STRADA: variants seen among roughly 807,000 people sequenced by gnomAD.
STRADA encodes STE20-related kinase adapter protein alpha.
STRADA carries 26 observed loss-of-function variants against 55.0 expected under a neutral mutation model. That is an observed-to-expected ratio of 0.47 (90% CI 0.35 to 0.66). STRADA has a LOEUF of 0.66. STRADA is among the 30% of genes least tolerant of loss of function. The probability of loss-of-function intolerance (pLI) is 0.01; values close to 1 mark genes in which losing one functional copy is unlikely to be tolerated. For synonymous variants in STRADA, 197 were observed against 210.9 expected (o/e 0.93, Z 0.57); for missense variants, 443 against 549.7 (o/e 0.81, Z 1.94).
rs2035832461 is a variant in STRADA, at chr17:63,703,063, G to A, written c.*536C>T. ...CCAAGCCAGAAGAGGGATAAGGATG[G>A]ACTGTTCCAGCCTTAGTCTGTGCTT... is the stretch of plus-strand genomic sequence containing the variant. On this transcript the variant is annotated 3_prime_UTR_variant, in exon 13 of 13. Transcript: ENST00000336174. 1 of 155,130 alleles carries A rather than the reference G, an allele frequency of 6.4e-6. No homozygotes were observed. Among genetic ancestry groups the A allele is most frequent in the Admixed American group, 6.3e-5 (1 of 15,766 alleles). The allele number at this position is 155,130 out of a possible 1,614,324, so 9.6% of individuals were successfully genotyped here.
chr17:63,704,618 G>T (rs1255719529), intron 10 of STRADA, 36 bp from the exon 11 acceptor site: 2 of 1,294,032 alleles, frequency 1.5e-6, no homozygotes, highest in East Asian at 4.1e-5. Flanking sequence ...GGCTGTAGCG[G>T]GTGGGGGGGG....
At chr17:63,721,713 C>CAAA (rs1208174884) in intron 4 of STRADA, among the ~76,000 whole-genome samples, 1 of 97,826 alleles carries the variant, frequency 1.0e-5, no homozygotes, top group Non-Finnish European at 2.1e-5. Context: ...GATTCGGTCT[C>CAAA]AAAAAAAAAA....
chr17:63,740,233 G>A (rs183843433), intron 1 of STRADA, among the ~76,000 whole-genome samples: 5 of 149,992 alleles, frequency 3.3e-5, no homozygotes, highest in Admixed American at 6.7e-5. Context: ...TTTATTGGCC[G>A]GGCGCGGTGG....
chr17:63,713,926 C>G (rs2036674153), intron 5 of STRADA, 80 bp downstream of exon 5: 1 of 1,162,580 alleles, frequency 8.6e-7, no homozygotes, highest in Admixed American at 1.7e-5. Context: ...CTCTGCTGTA[C>G]ACACATCTGG....
At chr17:63,706,979 C>T (rs1416310447) in intron 9 of STRADA, among the ~76,000 whole-genome samples, 1 of 152,236 alleles carries the variant, frequency 6.6e-6, no homozygotes, top group East Asian at 1.9e-4. Context: ...CAGAGAGCAG[C>T]AAACATTTCC....
rs751121350 is a variant in STRADA at position 63,728,341 on chromosome 17, C to A, written c.29G>T (p.Arg10Leu). 4 of 1,613,306 alleles carry A rather than the reference C, an allele frequency of 2.5e-6. No individual in the cohort carries two copies. Among genetic ancestry groups the A allele is most frequent in the Non-Finnish European group, 3.4e-6 (4 of 1,179,768 alleles). The change falls in exon 2 of 13, where the codon CGA becomes CTA. Residue 10 changes from arginine to leucine, a missense_variant. Arg to Leu is a moderately radical substitution (Grantham distance 102). Coordinates refer to ENST00000336174, the MANE Select transcript of STRADA (RefSeq NM_001003787.4). ...GAATAGAAAAACACTCACCCTGATT[C>A]GCTCTGGTTTACTTACAAGAAATGA... MSFLVSKPE[R>L]IRRWVSEKFI...
rs1320925376 is a variant in STRADA, at chr17:63,703,682, C to T, written c.1213G>A (p.Gly405Ser). ...CCACTGTGGTCCTGAGACTGGCTGCCCTCAAAATTGGTGATGGGGGTGACA... is the reference window on the plus strand; with the variant it reads ...CCACTGTGGTCCTGAGACTGGCTGCTCTCAAAATTGGTGATGGGGGTGACA... ...RPVTPITNFE[G>S]SQSQDHSGIF... The change falls in exon 13 of 13, where the codon GGC becomes AGC. Residue 405 changes from glycine to serine, a missense_variant. Coordinates refer to ENST00000336174, the MANE Select transcript of STRADA (RefSeq NM_001003787.4). The T allele has an allele frequency of 1.2e-6, 2 of 1,614,180 alleles. No individual in the cohort carries two copies. Among genetic ancestry groups the T allele is most frequent in the Non-Finnish European group, 1.7e-6 (2 of 1,180,012 alleles).
intron 8 of STRADA, 30 bp from the exon 9 acceptor site, chr17:63,707,448 G>C (rs892394905): frequency 6.2e-7 from 1 of 1,606,300 alleles, no homozygotes; most frequent in Non-Finnish European, 8.5e-7. Flanking sequence ...GTCATGTCGA[G>C]AGCAGGAGCC....
rs189623413 is a variant in STRADA at position 63,735,792 on chromosome 17, C to T, written c.-45+5949G>A. Among the ~76,000 whole-genome samples the T allele has an allele frequency of 5.4e-3, 816 of 152,244 alleles. 6 individuals carry two copies. Among genetic ancestry groups the T allele is most frequent in the African/African-American group, 0.018 (745 of 41,540 alleles). On this transcript the variant is annotated intron_variant, in intron 1 of 12. Transcript: ENST00000336174. ...TAGAGGAGACGGCAGATATGCCCAG[C>T]AGACAATCCTAAGGGGTTCTGAAAC...
intron 1 of STRADA, among the ~76,000 whole-genome samples, chr17:63,739,350 A>T (rs2038694950): frequency 6.6e-6 from 1 of 152,056 alleles, no homozygotes; most frequent in South Asian, 2.1e-4. Flanking sequence ...TATACAAATT[A>T]TGAAGGACTT....
In STRADA at chr17:63,728,039, C is replaced by T. The variant is rs188294862; in HGVS notation, c.36+295G>A. On this transcript the variant is annotated intron_variant, in intron 2 of 12. Transcript: ENST00000336174. ...GGTCATAAGCAGTTAAACGTCTACA[C>T]TTAAAAGTATCATCGACTCATTTAA... The T allele has an allele frequency of 1.7e-3, 513 of 298,338 alleles. 4 individuals carry two copies. Among genetic ancestry groups the T allele is most frequent in the African/African-American group, 0.01 (467 of 45,912 alleles). The allele number at this position is 298,338 out of a possible 1,614,324, so 18.5% of individuals were successfully genotyped here. A position where few individuals can be genotyped will look rare whatever the true frequency, so the allele number is the denominator to read the frequency against.
At chr17:63,713,205 T>C (rs1271187076) in intron 6 of STRADA, among the ~76,000 whole-genome samples, 1 of 152,158 alleles carries the variant, frequency 6.6e-6, no homozygotes, top group Non-Finnish European at 1.5e-5. Context: ...AAGGGAGTGT[T>C]TGGAGAAGAA....
chr17:63,707,192 C>A (rs2036151653), intron 9 of STRADA, 55 bp downstream of exon 9: 1 of 1,599,942 alleles, frequency 6.3e-7, no homozygotes. Flanking sequence ...TGCCTGAAGG[C>A]TCCCTTGGGA....
At chr17:63,740,215 G>T (rs1433167033) in intron 1 of STRADA, among the ~76,000 whole-genome samples, 3 of 146,798 alleles carry the variant, frequency 2.0e-5, no homozygotes, top group Non-Finnish European at 4.5e-5. Flanking sequence ...GACAGACATA[G>T]AAATAGCTTT....
chr17:63,741,394 G>C (rs900946230), intron 1 of STRADA: 2 of 152,358 alleles, frequency 1.3e-5, no homozygotes, highest in Non-Finnish European at 2.9e-5. Flanking sequence ...GCCCAGGACC[G>C]GGGTCGGCCG....
intron 1 of STRADA, among the ~76,000 whole-genome samples, chr17:63,740,971 CA>C (rs2038898906): frequency 6.6e-6 from 1 of 152,090 alleles, no homozygotes; most frequent in African/African-American, 2.4e-5. Context: ...GTATGAGTGT[CA>C]ATGAAGAATT....
At chr17:63,737,239 A>T (rs2038501148) in intron 1 of STRADA, among the ~76,000 whole-genome samples, 1 of 131,224 alleles carries the variant, frequency 7.6e-6, no homozygotes. Context: ...ACAGAGCAAC[A>T]CTCTATCTCA....
At chr17:63,714,141 G>C (rs752702665) in intron 4 of STRADA, 33 bp from the exon 5 acceptor site, 24 of 1,442,038 alleles carry the variant, frequency 1.7e-5, no homozygotes, top group Non-Finnish European at 2.9e-6. Flanking sequence ...GGTTAGTAGA[G>C]AAAACTGGGG....
intron 8 of STRADA, among the ~76,000 whole-genome samples, chr17:63,709,122 C>G (rs1415694656): frequency 6.6e-6 from 1 of 152,210 alleles, no homozygotes; most frequent in African/African-American, 2.4e-5. Context: ...GACATCCAAA[C>G]ATGTCCCCTG....
Sources: gnomAD v4.1 joint callset for allele counts (sites outside exome capture counted in the v4.1 genomes callset) on GRCh38, gnomAD v4.1.1 for gene constraint, MANE v1.5 for transcripts, NCBI Gene and HGNC (gene_info 2026-07-23, HGNC 2026-07-21) for gene names.